SFMBT2: variants seen among roughly 807,000 people sequenced by gnomAD.
SFMBT2 encodes scm-like with four MBT domains protein 2.
In SFMBT2, 38 loss-of-function variants were observed where a neutral mutation model predicts 110.1. That is an observed-to-expected ratio of 0.35 (90% confidence interval 0.27 to 0.45). SFMBT2 has a LOEUF of 0.45. Ranked by LOEUF, SFMBT2 falls within the 20% of genes least tolerant of loss-of-function variation. The pLI is 1.00. For synonymous variants in SFMBT2, 425 were observed against 425.4 expected (o/e 1.00, Z 0.01); for missense variants, 1,011 against 1,094.9 (o/e 0.92, Z 1.08).
At chr10:7,284,792 G>A (rs1842041653) in intron 5 of SFMBT2, 1 of 172,434 alleles carries the variant, frequency 5.8e-6, no homozygotes, top group Non-Finnish European at 1.2e-5. Context: ...CCCCTTCTAA[G>A]AAACCTTCTT....
Position 7,237,322 on chromosome 10 carries a change from G to A in SFMBT2, c.1120+6236C>T, listed in dbSNP as rs1447256275. ...AATTTTCAAATATTACAGTATATTCGTAAAGCAAGCAAAATGAATAAACAA... is the reference window on the plus strand; with the variant it reads ...AATTTTCAAATATTACAGTATATTCATAAAGCAAGCAAAATGAATAAACAA... On this transcript the variant is annotated intron_variant, in intron 9 of 20. Transcript: ENST00000397167. 4.6e-5 allele frequency among the ~76,000 whole-genome samples: 7 copies of A among 152,198 alleles called. No homozygotes were observed. In the South Asian group the frequency reaches 8.3e-4, roughly 18 times the overall value.
At position 7,285,870 on chromosome 10, in the gene SFMBT2, T is replaced by A. The variant is rs958371203; in HGVS notation, c.521A>T (p.Glu174Val). The A allele has an allele frequency of 1.1e-6, 1 of 872,510 alleles. No individual in the cohort carries two copies. Among genetic ancestry groups the A allele is most frequent in the Non-Finnish European group, 2.0e-6 (1 of 501,578 alleles). The allele number at this position is 872,510 out of a possible 1,614,324, so 54.0% of individuals were successfully genotyped here. A position where few individuals can be genotyped will look rare whatever the true frequency, so the allele number is the denominator to read the frequency against. The change falls in exon 5 of 21, where the codon GAA (glutamate) becomes GTA (valine). Residue 174 changes from glutamate (E) to valine (V), a missense_variant. Glu to Val is a moderately radical substitution (Grantham distance 121). Around this residue, in one of 2 missense-constraint regions of SFMBT2, gnomAD observed 979 missense variants for 1,016.1 expected, o/e 0.96. Coordinates refer to ENST00000397167, the MANE Select transcript of SFMBT2 (RefSeq NM_001387889.1). ...ATGTATAACAACAATACATACACCT[T>A]CCAGGAGGTTGGCGGGTGCTGTCCT... ...GSRTAPANLL[E>V]GPLRGKGPID...
At chr10:7,228,692 TTTC>T in intron 9 of SFMBT2, among the ~76,000 whole-genome samples, 1 of 127,338 alleles carries the variant, frequency 7.9e-6, no homozygotes. Context: ...TCTTTCTTTC[TTTC>T]TTTCTTTCTT....
intron 1 of SFMBT2, among the ~76,000 whole-genome samples, chr10:7,405,742 T>C (rs747672286): frequency 6.6e-6 from 1 of 151,910 alleles, no homozygotes; most frequent in Non-Finnish European, 1.5e-5. Flanking sequence ...GATAAGGAGG[T>C]TGAGGCTGAG....
intron 4 of SFMBT2, among the ~76,000 whole-genome samples, chr10:7,288,313 A>T (rs1842161940): frequency 1.3e-5 from 2 of 152,218 alleles, no homozygotes; most frequent in Admixed American, 6.5e-5. Flanking sequence ...TTATATGGCA[A>T]CGTCCCAGCC....
intron 6 of SFMBT2, among the ~76,000 whole-genome samples, chr10:7,281,076 AC>A (rs1841938204): frequency 6.6e-6 from 1 of 152,114 alleles, no homozygotes; most frequent in Non-Finnish European, 1.5e-5. Flanking sequence ...TCCCATCTCT[AC>A]AAAATAAGAG....
chr10:7,357,730 G>A (rs908880686), intron 4 of SFMBT2, among the ~76,000 whole-genome samples: 4 of 152,174 alleles, frequency 2.6e-5, no homozygotes. Flanking sequence ...TTGAACTGAA[G>A]GTCGTACTCA....
intron 1 of SFMBT2, among the ~76,000 whole-genome samples, chr10:7,389,703 T>C (rs1486359807): frequency 6.6e-6 from 1 of 152,212 alleles, no homozygotes; most frequent in African/African-American, 2.4e-5. Flanking sequence ...ATAAACAAAT[T>C]ACTTAACCTC....
chr10:7,348,357 G>A (rs1358869452), intron 4 of SFMBT2: 4 of 1,512,632 alleles, frequency 2.6e-6, no homozygotes, highest in Non-Finnish European at 3.5e-6. Context: ...ATCACAGATG[G>A]TTTTAATGGC....
intron 15 of SFMBT2, among the ~76,000 whole-genome samples, chr10:7,197,212 G>A (rs937493681): frequency 2.0e-5 from 3 of 152,040 alleles, no homozygotes; most frequent in African/African-American, 7.2e-5. Context: ...TTACCTCTTT[G>A]GAAACCTCAA....
In SFMBT2 at chr10:7,206,481, C is replaced by A. The variant is rs553366157; in HGVS notation, c.1331-553G>T. The A allele has an allele frequency of 1.3e-4, 131 of 985,392 alleles. No homozygotes were observed. In the East Asian group the frequency reaches 4.3e-3, roughly 32 times the overall value. The allele number at this position is 985,392 out of a possible 1,614,324, so 61.0% of individuals were successfully genotyped here. Reference sequence around the variant, plus strand: ...TTATGAGCAGTGTACGTGGACAAGGCCCTTCTCTAGGAAACCTGACAACTT... The same window carrying A: ...TTATGAGCAGTGTACGTGGACAAGGACCTTCTCTAGGAAACCTGACAACTT... On this transcript the variant is annotated intron_variant, in intron 11 of 20. Transcript: ENST00000397167.
intron 10 of SFMBT2, among the ~76,000 whole-genome samples, chr10:7,222,264 C>T (rs1022200331): frequency 3.3e-5 from 5 of 152,216 alleles, no homozygotes; most frequent in South Asian, 2.1e-4. Flanking sequence ...ACATTTGAGT[C>T]ATTTTCAGTG....
chr10:7,315,038 GAGAAAGAA>G (rs545155500), intron 4 of SFMBT2, among the ~76,000 whole-genome samples: 4,527 of 82,172 alleles, frequency 0.055, 113 homozygotes, highest in South Asian at 0.09. Flanking sequence ...AAGAAAGAAA[GAGAAAGAA>G]AGAAAGAAAG....
intron 17 of SFMBT2, among the ~76,000 whole-genome samples, chr10:7,175,341 T>G (rs1469474111): frequency 1.3e-5 from 2 of 152,174 alleles, no homozygotes; most frequent in Admixed American, 6.5e-5. Context: ...GGGAAGCGGT[T>G]GCCCAAGGCC....
intron 14 of SFMBT2, 60 bp from the exon 15 acceptor site, chr10:7,197,747 C>A: frequency 6.4e-7 from 1 of 1,572,618 alleles, no homozygotes; most frequent in South Asian, 1.2e-5. Flanking sequence ...CTAGGGGACC[C>A]CTAGACCCTT....
intron 12 of SFMBT2, chr10:7,203,421 TG>T: frequency 1.5e-5 from 3 of 205,714 alleles, no homozygotes; most frequent in Non-Finnish European, 2.6e-5. Flanking sequence ...GTTAGCGGGG[TG>T]GGGATGCCTG....
At chr10:7,235,286 A>C (rs1840220073) in intron 9 of SFMBT2, among the ~76,000 whole-genome samples, 1 of 152,214 alleles carries the variant, frequency 6.6e-6, no homozygotes, top group African/African-American at 2.4e-5. Flanking sequence ...AAATAAATAG[A>C]GATGACTTCA....
chr10:7,220,404 T>C lies in SFMBT2; in HGVS notation c.1330+7A>G. 6.2e-7 allele frequency: 1 copy of C among 1,613,046 alleles called. No homozygotes were observed. The highest frequency in any genetic ancestry group is 1.3e-5 in the African/African-American group (1 of 74,906). Reference sequence around the variant, plus strand: ...CCCAGCGACTGCTACCCCCAGCGAGTACGTACCTTCCAGGTGAAGCCACAT... The same window carrying C: ...CCCAGCGACTGCTACCCCCAGCGAGCACGTACCTTCCAGGTGAAGCCACAT... On this transcript the variant is annotated splice_region_variant and intron_variant, in intron 11 of 20. Coordinates refer to ENST00000397167, the MANE Select transcript of SFMBT2 (RefSeq NM_001387889.1).
chr10:7,172,052 G>A lies in SFMBT2; in HGVS notation c.2258C>T (p.Pro753Leu). ...GACGGCCCTCCGGGGCCGGGCCGAG[G>A]GCACCTCCGCCGACGAGGTGTCCGT... ...DQTDTSSAEV[P>L]SARPRRAVTL... Residue 753 changes from proline (P) to leucine (L), a missense_variant, in exon 19 of 21, where the codon CCC becomes CTC. By Grantham distance (98) the Pro-to-Leu change is moderately conservative. This residue lies in a region of SFMBT2 where 979 missense variants were observed against 1,016.1 expected (regional missense o/e 0.96). Transcript: ENST00000397167. This position sits in a 1 kb window ranked among gnomAD's most constrained non-coding sequence, Gnocchi z 4.6. The A allele has an allele frequency of 1.9e-6, 3 of 1,598,030 alleles. No homozygotes were observed. Among genetic ancestry groups the A allele is most frequent in the Non-Finnish European group, 2.6e-6 (3 of 1,172,578 alleles).
Sources: gnomAD v4.1 joint callset for allele counts (sites outside exome capture counted in the v4.1 genomes callset) on GRCh38, gnomAD v4.1.1 for gene constraint, gnomAD v4.1.1 regional missense constraint, Gnocchi (gnomAD v3.1) non-coding constraint, MANE v1.5 for transcripts, NCBI Gene and HGNC (gene_info 2026-07-23, HGNC 2026-07-21) for gene names.